The following DISC1 variants were observed in gnomAD, a reference collection of about 807,000 sequenced individuals.
The protein encoded by DISC1 is disrupted in schizophrenia 1 protein.
In DISC1, 57 loss-of-function variants were observed where a neutral mutation model predicts 84.5. The observed-to-expected ratio is 0.67, with a 90% CI of 0.55 to 0.84. The LOEUF is 0.84. Among genes scored for constraint, DISC1 ranks in the 40% least tolerant of loss-of-function variants. The pLI is 0.00. For missense variants in DISC1, 1,000 were observed against 1,057.8 expected (o/e 0.95, Z 0.76); for synonymous variants, 411 against 415.2 (o/e 0.99, Z 0.12).
chr1:231,774,681 A>G (rs2076825169), intron 6 of DISC1: 1 of 456,074 alleles, frequency 2.2e-6, no homozygotes, highest in Non-Finnish European at 4.4e-6. Context: ...ACCATCAACT[A>G]GAGAAACCCG....
At chr1:231,948,478 A>T (rs1224954406) in intron 9 of DISC1, among the ~76,000 whole-genome samples, 1 of 152,068 alleles carries the variant, frequency 6.6e-6, no homozygotes, top group African/African-American at 2.4e-5. Flanking sequence ...TCGGGAAGGG[A>T]TAGCTTTTGG....
At chr1:231,841,552 C>T (rs7553510) in intron 9 of DISC1, among the ~76,000 whole-genome samples, 5,132 of 152,296 alleles carry the variant, frequency 0.034, 205 homozygotes, top group African/African-American at 0.099. Context: ...TGCAAATGTT[C>T]TAAATGCTTA....
At chr1:231,985,938 G>T (rs961861250) in intron 10 of DISC1, among the ~76,000 whole-genome samples, 5 of 152,154 alleles carry the variant, frequency 3.3e-5, no homozygotes, top group African/African-American at 1.2e-4. Flanking sequence ...CATAAAATGC[G>T]TGAAAATCTG....
At chr1:231,763,963 T>A (rs1165227228) in intron 4 of DISC1, among the ~76,000 whole-genome samples, 1 of 152,190 alleles carries the variant, frequency 6.6e-6, no homozygotes, top group Non-Finnish European at 1.5e-5. Flanking sequence ...TATATTAGGA[T>A]CAGTTACTCA....
chr1:231,710,813 T>C (rs2067721288), intron 3 of DISC1, among the ~76,000 whole-genome samples: 1 of 152,170 alleles, frequency 6.6e-6, no homozygotes, highest in Admixed American at 6.5e-5. Context: ...AAAGGTCCAG[T>C]CTCCAAATAC....
At chr1:231,873,403 G>C (rs2085611714) in intron 9 of DISC1, among the ~76,000 whole-genome samples, 1 of 152,316 alleles carries the variant, frequency 6.6e-6, no homozygotes, top group African/African-American at 2.4e-5. Flanking sequence ...TTGTGTTTCA[G>C]CCCCTTTCTA....
chr1:231,703,717 T>A (rs138596138), intron 3 of DISC1, among the ~76,000 whole-genome samples: 149 of 152,330 alleles, frequency 9.8e-4, no homozygotes, highest in African/African-American at 3.6e-3. Context: ...GGAATGGGGT[T>A]TGAGAGGATA....
At chr1:231,673,677 A>G (rs910841146) in intron 1 of DISC1, among the ~76,000 whole-genome samples, 11 of 152,226 alleles carry the variant, frequency 7.2e-5, no homozygotes, top group Admixed American at 7.2e-4. Flanking sequence ...TTCAACTTGG[A>G]AAGATTTGAA....
intron 9 of DISC1, among the ~76,000 whole-genome samples, chr1:231,859,787 A>G (rs140087743): frequency 6.6e-6 from 1 of 152,102 alleles, no homozygotes; most frequent in African/African-American, 2.4e-5. Flanking sequence ...GATGATGGAG[A>G]GCATGAGTGC....
At chr1:232,032,959 A>G (rs905108843) in intron 12 of DISC1, among the ~76,000 whole-genome samples, 3 of 152,212 alleles carry the variant, frequency 2.0e-5, no homozygotes, top group African/African-American at 7.2e-5. Flanking sequence ...GATGTATCAA[A>G]TGAGATAGTT....
chr1:231,711,556 G>A (rs2067851129), intron 3 of DISC1, among the ~76,000 whole-genome samples: 1 of 150,898 alleles, frequency 6.6e-6, no homozygotes, highest in African/African-American at 2.4e-5. Context: ...TTTTAATAGA[G>A]ACGGGGTTTC....
chr1:231,725,724 G>T (rs1305318390), intron 3 of DISC1, among the ~76,000 whole-genome samples: 1 of 152,170 alleles, frequency 6.6e-6, no homozygotes, highest in Non-Finnish European at 1.5e-5. Flanking sequence ...CAGTTTGGGG[G>T]CTTGCCTGTC....
intron 9 of DISC1, among the ~76,000 whole-genome samples, chr1:231,844,032 G>A (rs1048679672): frequency 6.6e-6 from 1 of 152,222 alleles, no homozygotes; most frequent in African/African-American, 2.4e-5. Flanking sequence ...TTAGGGGACA[G>A]GCAGAGGACA....
intron 10 of DISC1, among the ~76,000 whole-genome samples, chr1:231,979,100 T>C (rs544645070): frequency 6.6e-6 from 1 of 152,178 alleles, no homozygotes; most frequent in East Asian, 1.9e-4. Context: ...ATGCCGGTGA[T>C]CCAGGTTGTT....
At chr1:232,015,653 G>T (rs1000747754) in intron 11 of DISC1, among the ~76,000 whole-genome samples, 1 of 152,188 alleles carries the variant, frequency 6.6e-6, no homozygotes. Context: ...CCATAAGCTG[G>T]TCGTGAGCTA....
intron 9 of DISC1, among the ~76,000 whole-genome samples, chr1:231,940,631 C>T (rs567873533): frequency 6.6e-6 from 1 of 152,106 alleles, no homozygotes; most frequent in South Asian, 2.1e-4. Context: ...TCTCCTAGAC[C>T]CTGTGCTCTT....
chr1:231,961,809 T>C (rs942442452), intron 10 of DISC1, among the ~76,000 whole-genome samples: 1 of 152,242 alleles, frequency 6.6e-6, no homozygotes, highest in Non-Finnish European at 1.5e-5. Context: ...GTTCCATGAC[T>C]TTGCTATTGT....
intron 3 of DISC1, among the ~76,000 whole-genome samples, chr1:231,730,507 G>A (rs908389878): frequency 2.6e-5 from 4 of 152,140 alleles, no homozygotes; most frequent in African/African-American, 9.7e-5. Context: ...TGAGGTTTGG[G>A]CTTCTATTGA....
At chr1:231,889,763 C>G (rs930823954) in intron 9 of DISC1, among the ~76,000 whole-genome samples, 1 of 152,038 alleles carries the variant, frequency 6.6e-6, no homozygotes, top group Non-Finnish European at 1.5e-5. Context: ...ATCTTCTCAT[C>G]TACTGCCCTT....
Sources: gnomAD v4.1 joint callset for allele counts (sites outside exome capture counted in the v4.1 genomes callset) on GRCh38, gnomAD v4.1.1 for gene constraint, MANE v1.5 for transcripts, NCBI Gene and HGNC (gene_info 2026-07-23, HGNC 2026-07-21) for gene names.